The following PCBP3 variants were observed in gnomAD, a reference collection of about 807,000 sequenced individuals.
PCBP3 encodes poly(rC)-binding protein 3.
A neutral mutation model predicts 52.7 loss-of-function variants in PCBP3; 25 were observed. The observed-to-expected ratio is 0.47, with a 90% CI of 0.35 to 0.66. PCBP3 has a LOEUF of 0.66. Ranked by LOEUF, PCBP3 falls within the 30% of genes least tolerant of loss-of-function variation. PCBP3 has a pLI of 0.01. For missense variants in PCBP3, 391 were observed against 490.3 expected (o/e 0.80, Z 1.91); for synonymous variants, 162 against 183.0 (o/e 0.89, Z 0.93).
intron 1 of PCBP3, among the ~76,000 whole-genome samples, chr21:45,653,002 G>GT (rs1373750196): frequency 3.3e-5 from 5 of 152,018 alleles, no homozygotes; most frequent in Non-Finnish European, 7.4e-5. Context: ...TTCCATTATG[G>GT]TTTTTTCTTG....
chr21:45,778,895 C>T (rs551534339), intron 4 of PCBP3, among the ~76,000 whole-genome samples: 21 of 152,236 alleles, frequency 1.4e-4, no homozygotes, highest in African/African-American at 4.8e-4. Context: ...TGCACTGATC[C>T]CTGCCACTGG....
At chr21:45,941,570 C>G (rs1165078824) in intron 17 of PCBP3, 100 bp from the exon 18 acceptor site, 8 of 1,084,912 alleles carry the variant, frequency 7.4e-6, no homozygotes, top group Non-Finnish European at 1.1e-5. Flanking sequence ...ATGGCCTGTC[C>G]CAGCGAGCAC....
At chr21:45,920,569 C>A (rs2074299634) in intron 13 of PCBP3, among the ~76,000 whole-genome samples, 1 of 152,216 alleles carries the variant, frequency 6.6e-6, no homozygotes. Context: ...TCTGTTGGAA[C>A]CTAATCACCA....
intron 1 of PCBP3, among the ~76,000 whole-genome samples, chr21:45,663,457 C>T (rs974013095): frequency 4.6e-5 from 7 of 152,186 alleles, no homozygotes; most frequent in East Asian, 1.9e-4. Context: ...GAAAACCCAC[C>T]GACCCTGTGG....
At position 45,735,482 on chromosome 21, in the gene PCBP3, A is replaced by T. The variant is rs1445707174; in HGVS notation, c.-162+53A>T. On this transcript the variant is annotated intron_variant, in intron 3 of 17. Coordinates refer to ENST00000681687, the MANE Select transcript of PCBP3 (RefSeq NM_001384156.1). This position sits in a 1 kb window ranked among gnomAD's most constrained non-coding sequence, Gnocchi z 4.0. ...ACAGGCGATATTTTTAGACTAAACG[A>T]CTCTTTCGGTGTCAGCAGAGTTGAA... 2.6e-5 allele frequency: 4 copies of T among 151,332 alleles called. No homozygotes were observed. 9.4% of individuals were successfully genotyped at this position (151,332 alleles called of 1,614,324 possible). A position where few individuals can be genotyped will look rare whatever the true frequency, so the allele number is the denominator to read the frequency against.
rs558290186 is a variant in PCBP3, at chr21:45,931,659, G to A, written c.856+814G>A. On this transcript the variant is annotated intron_variant, in intron 15 of 17. Transcript: ENST00000681687. ...GTGCTGTCCTGAGATGAGTGAACAC[G>A]TCGGCCATGCCGTCCTGAGATGAAC... 2.8e-4 allele frequency among the ~76,000 whole-genome samples: 43 copies of A among 151,576 alleles called. No individual in the cohort carries two copies. In the South Asian group the frequency reaches 8.8e-3, roughly 31 times the overall value.
At chr21:45,877,719 T>C (rs2095300527) in intron 5 of PCBP3, among the ~76,000 whole-genome samples, 1 of 152,128 alleles carries the variant, frequency 6.6e-6, no homozygotes, top group South Asian at 2.1e-4. Context: ...GGCGGAGGAA[T>C]TGCTTGAACC....
chr21:45,852,213 A>G (rs1213605668), intron 5 of PCBP3, among the ~76,000 whole-genome samples: 2 of 152,270 alleles, frequency 1.3e-5, no homozygotes, highest in African/African-American at 4.8e-5. Context: ...TCCTGTAAAT[A>G]TGTACAACTA....
At position 45,817,370 on chromosome 21, in the gene PCBP3, A is replaced by G. The variant is rs1322297427; in HGVS notation, c.-125-32591A>G. Among the ~76,000 whole-genome samples the G allele has an allele frequency of 6.6e-6, 1 of 151,446 alleles. No homozygotes were observed. Among genetic ancestry groups the G allele is most frequent in the Non-Finnish European group, 1.5e-5 (1 of 67,916 alleles). On this transcript the variant is annotated intron_variant, in intron 4 of 17. Coordinates refer to ENST00000681687, the MANE Select transcript of PCBP3 (RefSeq NM_001384156.1). The surrounding 1 kb of genome is among the most constrained non-coding windows in gnomAD (Gnocchi z 4.3). ...CATTTAGCGTGTCTGTTCACCTCAT[A>G]CTCCCCAGTAGTTCTGTCTCTCTCT...
intron 4 of PCBP3, chr21:45,759,967 T>C (rs2088464502): frequency 6.6e-6 from 1 of 152,182 alleles, no homozygotes; most frequent in Non-Finnish European, 1.5e-5. Context: ...GATAGCTGGA[T>C]AATATCTAAC....
chr21:45,939,060 C>A (rs2077175623), intron 16 of PCBP3, among the ~76,000 whole-genome samples: 1 of 152,254 alleles, frequency 6.6e-6, no homozygotes, highest in Non-Finnish European at 1.5e-5. Flanking sequence ...TTCTGACACC[C>A]CAGCAGCCTC....
chr21:45,672,360 G>C (rs1434300415), intron 2 of PCBP3, among the ~76,000 whole-genome samples: 2 of 151,998 alleles, frequency 1.3e-5, no homozygotes, highest in Non-Finnish European at 2.9e-5. Context: ...AACAGAAAAT[G>C]GACTAAAATA....
chr21:45,665,564 A>G (rs756372507), intron 1 of PCBP3, among the ~76,000 whole-genome samples: 1 of 152,228 alleles, frequency 6.6e-6, no homozygotes, highest in Non-Finnish European at 1.5e-5. Context: ...AGGTTGAACC[A>G]GGAAGAAATT....
At chr21:45,896,063 G>C in intron 5 of PCBP3, 145 bp from the exon 6 acceptor site, 2 of 707,472 alleles carry the variant, frequency 2.8e-6, no homozygotes, top group South Asian at 3.6e-5. Context: ...GTGCCCAGCA[G>C]GCGAGGCCTG....
chr21:45,776,344 A>C (rs2090250663), intron 4 of PCBP3, among the ~76,000 whole-genome samples: 1 of 151,908 alleles, frequency 6.6e-6, no homozygotes, highest in East Asian at 1.9e-4. Context: ...ATTTAAATCT[A>C]ATGTTTCTTT....
intron 2 of PCBP3, among the ~76,000 whole-genome samples, chr21:45,688,908 A>G (rs1378525448): frequency 6.6e-6 from 1 of 152,010 alleles, no homozygotes; most frequent in Admixed American, 6.5e-5. Flanking sequence ...AAATTGACTC[A>G]TGACACAAAA....
intron 1 of PCBP3, among the ~76,000 whole-genome samples, chr21:45,644,923 TGTG>T (rs908785388): frequency 1.3e-5 from 2 of 152,222 alleles, no homozygotes; most frequent in Admixed American, 1.3e-4. Flanking sequence ...CTTTCTCAGA[TGTG>T]GATCCCAAAG....
chr21:45,740,762 ATG>A (rs913171164), intron 3 of PCBP3, among the ~76,000 whole-genome samples: 4 of 151,688 alleles, frequency 2.6e-5, no homozygotes, highest in African/African-American at 7.3e-5. Flanking sequence ...AGGTGTGTGC[ATG>A]TGTGTGTGGT....
In PCBP3 at chr21:45,801,611, G is replaced by A. The variant is rs931507886; in HGVS notation, c.-126+46159G>A. 2.7e-5 allele frequency among the ~76,000 whole-genome samples: 4 copies of A among 149,482 alleles called. No individual in the cohort carries two copies. The East Asian group carries it at 5.9e-4, about 22-fold the overall frequency. On this transcript the variant is annotated intron_variant, in intron 4 of 17. Transcript: ENST00000681687. ...CTGGCCAGGTGCTGGTCACTGACCC[G>A]CCTTCACAGCCGCACTTGTTGTGAC...
Sources: gnomAD v4.1 joint callset for allele counts (sites outside exome capture counted in the v4.1 genomes callset) on GRCh38, gnomAD v4.1.1 for gene constraint, Gnocchi (gnomAD v3.1) non-coding constraint, MANE v1.5 for transcripts, NCBI Gene and HGNC (gene_info 2026-07-23, HGNC 2026-07-21) for gene names.